GLIS3: variants seen among roughly 807,000 people sequenced by gnomAD.
The protein encoded by GLIS3 is GLIS family zinc finger 3.
In GLIS3, 53 loss-of-function variants were observed where a neutral mutation model predicts 78.6. That is an observed-to-expected ratio of 0.67 (90% CI 0.54 to 0.85). GLIS3 has a LOEUF of 0.85. GLIS3 is among the 40% of genes least tolerant of loss of function. The probability of loss-of-function intolerance (pLI) is 0.00; values close to 1 mark genes in which losing one functional copy is unlikely to be tolerated. For synonymous variants in GLIS3, 684 were observed against 509.9 expected, an observed-to-expected ratio of 1.34 and a Z score of -4.60; for missense variants, 1,703 against 1,231.1, an observed-to-expected ratio of 1.38 and a Z score of -5.74.
At chr9:4,309,278 G>A (rs1311916703) in intron 3 of GLIS3, among the ~76,000 whole-genome samples, 2 of 152,098 alleles carry the variant, frequency 1.3e-5, no homozygotes, top group Admixed American at 6.6e-5. Context: ...CAAAGAAAAA[G>A]CAAGAAATAA....
At chr9:4,474,304 A>G in the GLIS3 span, among the ~76,000 whole-genome samples, 2 of 152,212 alleles carry the variant, frequency 1.3e-5, no homozygotes, top group East Asian at 3.8e-4. Flanking sequence ...TCAGAAGTTC[A>G]AGACTAGCCT....
chr9:3,833,712 T>A (rs1460493930), intron 9 of GLIS3, among the ~76,000 whole-genome samples: 1 of 152,204 alleles, frequency 6.6e-6, no homozygotes, highest in African/African-American at 2.4e-5. Context: ...AGAACATACA[T>A]ATAAATGTAA....
At chr9:4,340,290 T>C (rs992670281) in intron 2 of GLIS3, among the ~76,000 whole-genome samples, 15 of 49,364 alleles carry the variant, frequency 3.0e-4, no homozygotes, top group African/African-American at 4.0e-4. Flanking sequence ...ACAAATCAAA[T>C]GAGAAAAAAA....
chr9:3,990,757 A>T (rs1027989040), intron 4 of GLIS3, among the ~76,000 whole-genome samples: 6 of 152,232 alleles, frequency 3.9e-5, no homozygotes, highest in African/African-American at 1.4e-4. Flanking sequence ...ATTAGTTTTC[A>T]AATAGCTAAA....
intron 4 of GLIS3, among the ~76,000 whole-genome samples, chr9:4,307,823 C>A (rs1287038495): frequency 6.6e-6 from 1 of 152,106 alleles, no homozygotes; most frequent in Non-Finnish European, 1.5e-5. Flanking sequence ...TGGAATAATT[C>A]CTTCCTAGAG....
chr9:4,107,732 T>A (rs1054963028), intron 4 of GLIS3, among the ~76,000 whole-genome samples: 1 of 148,664 alleles, frequency 6.7e-6, no homozygotes, highest in Non-Finnish European at 1.5e-5. Flanking sequence ...TGTTTTCAGA[T>A]CAGAAGAACA....
the GLIS3 span, among the ~76,000 whole-genome samples, chr9:4,442,076 G>T: frequency 6.6e-6 from 1 of 152,152 alleles, no homozygotes; most frequent in Non-Finnish European, 1.5e-5. Context: ...AAACTATCAA[G>T]TTCCAGGCTT....
intron 4 of GLIS3, among the ~76,000 whole-genome samples, chr9:4,084,284 CACACACACACA>C (rs1472986949): frequency 3.5e-3 from 483 of 139,020 alleles, no homozygotes; most frequent in African/African-American, 4.7e-3. Flanking sequence ...CACACACACA[CACACACACACA>C]AATTCCTAGC....
intron 4 of GLIS3, among the ~76,000 whole-genome samples, chr9:4,058,332 G>C (rs1185891244): frequency 1.3e-5 from 2 of 151,886 alleles, no homozygotes; most frequent in Non-Finnish European, 2.9e-5. Context: ...GCATGGCAGA[G>C]AGTAAGCAGA....
At chr9:3,868,832 TG>T (rs1208498043) in intron 8 of GLIS3, among the ~76,000 whole-genome samples, 2 of 1,292 alleles carry the variant, frequency 1.5e-3, no homozygotes, top group African/African-American at 2.9e-3. Flanking sequence ...CAACACTTGT[TG>T]TACATAGTGT....
intron 8 of GLIS3, among the ~76,000 whole-genome samples, chr9:3,870,356 C>A (rs777431789): frequency 6.6e-6 from 1 of 151,816 alleles, no homozygotes; most frequent in Admixed American, 6.6e-5. Flanking sequence ...ACCACTGGGC[C>A]AAAGAGAAAA....
At chr9:3,831,087 T>C (rs923169412) in intron 9 of GLIS3, among the ~76,000 whole-genome samples, 4 of 152,156 alleles carry the variant, frequency 2.6e-5, no homozygotes, top group African/African-American at 4.8e-5. Context: ...ATATTCATAG[T>C]AGAAAACAAA....
chr9:3,944,087 T>C (rs1300870111), intron 4 of GLIS3, among the ~76,000 whole-genome samples: 1 of 152,178 alleles, frequency 6.6e-6, no homozygotes, highest in African/African-American at 2.4e-5. Context: ...TAAAGGAATA[T>C]GTTGCTTTTT....
At position 4,266,354 on chromosome 9, in the gene GLIS3, C is replaced by G. The variant is rs562590633; in HGVS notation, c.388+19684G>C. ...TGGATGAAGTGCCTCCAATGGACCC[C>G]TCTCAGTCTGACATAGCTCTAAGAA... On this transcript the variant is annotated intron_variant, in intron 2 of 10. Coordinates refer to ENST00000381971, the MANE Select transcript of GLIS3 (RefSeq NM_001042413.2). Among the ~76,000 whole-genome samples, 821 of 152,250 alleles carry G rather than the reference C, an allele frequency of 5.4e-3. 9 individuals carry two copies. The highest frequency in any genetic ancestry group is 8.1e-3 in the Non-Finnish European group (550 of 68,026).
chr9:4,239,098 T>C (rs971675001), intron 2 of GLIS3, among the ~76,000 whole-genome samples: 4 of 146,050 alleles, frequency 2.7e-5, no homozygotes, highest in Admixed American at 7.1e-5. Flanking sequence ...TGTTGGACAT[T>C]TGGGTTGGTT....
chr9:3,900,060 A>T (rs908153095), intron 6 of GLIS3, among the ~76,000 whole-genome samples: 1 of 152,026 alleles, frequency 6.6e-6, no homozygotes, highest in Non-Finnish European at 1.5e-5. Flanking sequence ...GCGGAGAAGT[A>T]AGAGTCAAGC....
chr9:3,948,692 A>C (rs1816464673), intron 4 of GLIS3, among the ~76,000 whole-genome samples: 1 of 152,242 alleles, frequency 6.6e-6, no homozygotes. Flanking sequence ...ATTTGATGAG[A>C]ATATGGGTCT....
chr9:4,408,660 G>A, the GLIS3 span, among the ~76,000 whole-genome samples: 1 of 140,074 alleles, frequency 7.1e-6, no homozygotes, highest in Non-Finnish European at 1.5e-5. Flanking sequence ...CCGGGAGGCG[G>A]AGCTTGCAGT....
intron 6 of GLIS3, among the ~76,000 whole-genome samples, chr9:3,926,718 G>A (rs893275082): frequency 6.6e-5 from 10 of 151,644 alleles, no homozygotes; most frequent in East Asian, 5.8e-4. Flanking sequence ...TGCCTCCCGC[G>A]TTCAAGGATT....
Sources: gnomAD v4.1 joint callset for allele counts (sites outside exome capture counted in the v4.1 genomes callset) on GRCh38, gnomAD v4.1.1 for gene constraint, MANE v1.5 for transcripts, NCBI Gene and HGNC (gene_info 2026-07-23, HGNC 2026-07-21) for gene names.